The following PPP2R3B variants were observed in gnomAD, a reference collection of about 807,000 sequenced individuals.
PPP2R3B encodes serine/threonine-protein phosphatase 2A regulatory subunit B'' subunit beta.
PPP2R3B carries 68 observed loss-of-function variants against 72.9 expected under a neutral mutation model. That is an observed-to-expected ratio of 0.93 (90% confidence interval 0.77 to 1.14). The LOEUF (loss-of-function observed/expected upper bound fraction) is 1.14. Ranked by LOEUF, PPP2R3B falls within the 50% of genes most tolerant of loss-of-function variation. The pLI is 0.00. For missense variants in PPP2R3B, 1,018 were observed against 842.0 expected, an observed-to-expected ratio of 1.21 and a Z score of -2.59; for synonymous variants, 466 against 375.8, an observed-to-expected ratio of 1.24 and a Z score of -2.78.
chrX:380,508 G>A (rs950241287), intron 1 of PPP2R3B, among the ~76,000 whole-genome samples: 3 of 152,104 alleles, frequency 2.0e-5, no homozygotes, highest in Admixed American at 1.3e-4. Context: ...AGTACTGGCC[G>A]GGTGTGGTTG....
intron 2 of PPP2R3B, among the ~76,000 whole-genome samples, chrX:353,909 A>ACGGGGG (rs1021625518): frequency 8.1e-6 from 1 of 123,396 alleles, no homozygotes; most frequent in Non-Finnish European, 1.7e-5. Flanking sequence ...TCACCCAAAG[A>ACGGGGG]CTGGGGCTCG....
At position 341,285 on chromosome X, in the gene PPP2R3B, G is replaced by A. The variant is rs755366351; in HGVS notation, c.1175+22C>T. The A allele has an allele frequency of 3.0e-5, 49 of 1,608,044 alleles. No homozygotes were observed. The African/African-American group carries it at 5.7e-4, about 19-fold the overall frequency. ...TCCCGGCCCCTCCACTGGGACAAAC[G>A]CATGCCGCAGCAGGAACCCACCTGG... On this transcript the variant is annotated intron_variant, in intron 9 of 12. Transcript: ENST00000390665.
chrX:359,515 T>A (rs2071500806), intron 2 of PPP2R3B, among the ~76,000 whole-genome samples: 1 of 152,244 alleles, frequency 6.6e-6, no homozygotes, highest in Non-Finnish European at 1.5e-5. Flanking sequence ...CACTACATGT[T>A]TGCAACCGAC....
At chrX:337,933 A>G in intron 12 of PPP2R3B, 1 of 155,512 alleles carries the variant, frequency 6.4e-6, no homozygotes. Context: ...CCAGACCAAA[A>G]CACAAAACAT....
At chrX:348,581 A>AAAAAAAAAAG (rs111787156) in intron 2 of PPP2R3B, among the ~76,000 whole-genome samples, 52,448 of 143,752 alleles carry the variant, frequency 0.36, 10,520 homozygotes, top group South Asian at 0.5. Flanking sequence ...GTCTCAAAAA[A>AAAAAAAAAAG]AGAGCAAATA....
At chrX:364,426 A>G (rs1414728856) in intron 1 of PPP2R3B, among the ~76,000 whole-genome samples, 1 of 151,350 alleles carries the variant, frequency 6.6e-6, no homozygotes, top group Non-Finnish European at 1.5e-5. Flanking sequence ...GGCGCTTTGA[A>G]AGGAGGCTGA....
intron 1 of PPP2R3B, among the ~76,000 whole-genome samples, chrX:369,942 C>T (rs1302404444): frequency 6.6e-6 from 1 of 152,130 alleles, no homozygotes; most frequent in Non-Finnish European, 1.5e-5. Flanking sequence ...GGGACGCACA[C>T]TCATGGATTC....
At chrX:373,214 G>A (rs1334355625) in intron 1 of PPP2R3B, among the ~76,000 whole-genome samples, 4 of 152,208 alleles carry the variant, frequency 2.6e-5, no homozygotes, top group Admixed American at 1.3e-4. Context: ...ACCCGCCTTG[G>A]TTGATCACAG....
chrX:359,169 C>A (rs2071495394), intron 2 of PPP2R3B, among the ~76,000 whole-genome samples: 1 of 152,238 alleles, frequency 6.6e-6, no homozygotes, highest in Non-Finnish European at 1.5e-5. Context: ...CGGGCGCACT[C>A]CGCGAGGGTG....
At chrX:348,223 A>T (rs1355410068) in intron 2 of PPP2R3B, among the ~76,000 whole-genome samples, 2 of 152,196 alleles carry the variant, frequency 1.3e-5, no homozygotes, top group Non-Finnish European at 2.9e-5. Context: ...CAAAGTAAAT[A>T]GTAACAGAAA....
rs984333154 is a variant in PPP2R3B at position 334,229 on chromosome X, A to C, written c.*138T>G. 19 of 1,096,764 alleles carry C rather than the reference A, an allele frequency of 1.7e-5. No individual in the cohort carries two copies. The highest frequency in any genetic ancestry group is 2.2e-5 in the Non-Finnish European group (18 of 829,958). 67.9% of individuals were successfully genotyped at this position (1,096,764 alleles called of 1,614,324 possible). ...AGCCACGAACCCACAGCGGCAATCA[A>C]CACGCTTCTGTGAATAAATAAAAGT... On this transcript the variant is annotated 3_prime_UTR_variant, in exon 13 of 13. Coordinates refer to ENST00000390665, the MANE Select transcript of PPP2R3B (RefSeq NM_013239.5).
At chrX:350,356 G>C (rs1375282306) in intron 2 of PPP2R3B, among the ~76,000 whole-genome samples, 1 of 152,178 alleles carries the variant, frequency 6.6e-6, no homozygotes, top group Non-Finnish European at 1.5e-5. Flanking sequence ...GGCCACACGT[G>C]CGCTCCCTGA....
chrX:350,327 G>C (rs768908668), intron 2 of PPP2R3B, among the ~76,000 whole-genome samples: 9 of 152,212 alleles, frequency 5.9e-5, no homozygotes, highest in Admixed American at 3.9e-4. Context: ...GCTCTGCCGC[G>C]GCCAAGGTTT....
At chrX:365,474 C>T (rs1202952639) in intron 1 of PPP2R3B, among the ~76,000 whole-genome samples, 2 of 31,114 alleles carry the variant, frequency 6.4e-5, no homozygotes, top group Non-Finnish European at 1.0e-4. Context: ...ACACAGGAGG[C>T]GGAGGTTGCA....
intron 1 of PPP2R3B, among the ~76,000 whole-genome samples, chrX:384,162 C>T (rs2072190720): frequency 6.6e-6 from 1 of 152,092 alleles, no homozygotes; most frequent in Admixed American, 6.6e-5. Flanking sequence ...CACTAGAGAC[C>T]TCTGCAGAAA....
chrX:342,081 C>T (rs535809126), intron 7 of PPP2R3B, 150 bp from the exon 8 acceptor site: 21 of 850,946 alleles, frequency 2.5e-5, no homozygotes, highest in East Asian at 1.2e-4. Flanking sequence ...TGCCCCTGCA[C>T]GGCCCATCCT....
At chrX:357,233 G>A (rs73178034) in intron 2 of PPP2R3B, among the ~76,000 whole-genome samples, 13,649 of 152,078 alleles carry the variant, frequency 0.09, 835 homozygotes, top group Non-Finnish European at 0.14. Context: ...GGACACCCGC[G>A]GCAGGTGACA....
rs2070972408 is a variant in PPP2R3B, at chrX:338,900, C to CG, written c.1352-5dup. On this transcript the variant is annotated splice_polypyrimidine_tract_variant and splice_region_variant and intron_variant, in intron 10 of 12. Transcript: ENST00000390665. ...AGGTCCTGCAGCGTGATCTTCCCTGCGGGGAGGGGAGTGCGTCCAAGGCGC... is the reference window on the plus strand; with the variant it reads ...AGGTCCTGCAGCGTGATCTTCCCTGCGGGGGAGGGGAGTGCGTCCAAGGCGC... 1.2e-6 allele frequency: 2 copies of CG among 1,611,442 alleles called. No homozygotes were observed. The highest frequency in any genetic ancestry group is 2.7e-5 in the African/African-American group (2 of 74,888).
Position 338,964 on chromosome X carries a change from G to A in PPP2R3B, c.1352-68C>T, listed in dbSNP as rs1363561742. On this transcript the variant is annotated intron_variant, in intron 10 of 12. Transcript: ENST00000390665. ...CACCTTCGGGGCCTGGGTGTGGGGTGCGCGCGTCCTGTCACACGTGCTTAA... is the reference window on the plus strand; with the variant it reads ...CACCTTCGGGGCCTGGGTGTGGGGTACGCGCGTCCTGTCACACGTGCTTAA... 3.8e-6 allele frequency: 5 copies of A among 1,311,328 alleles called. No homozygotes were observed. The African/African-American group carries it at 4.4e-5, about 11-fold the overall frequency. The allele number at this position is 1,311,328 out of a possible 1,614,324, so 81.2% of individuals were successfully genotyped here.
Sources: allele counts gnomAD v4.1 joint callset (sites outside exome capture counted in the v4.1 genomes callset), GRCh38; gene constraint gnomAD v4.1.1; transcripts MANE v1.5; gene names NCBI Gene and HGNC (gene_info 2026-07-23, HGNC 2026-07-21).